BICRAL: variants seen among roughly 807,000 people sequenced by gnomAD.
BICRAL encodes the protein BRD4-interacting chromatin-remodeling complex-associated protein-like.
A neutral mutation model predicts 91.8 loss-of-function variants in BICRAL; 8 were observed. The ratio of observed to expected loss-of-function variants is 0.09; its 90% confidence interval spans 0.05 to 0.16. The LOEUF is 0.16. Ranked by LOEUF, BICRAL falls within the 10% of genes least tolerant of loss-of-function variation. The probability of loss-of-function intolerance (pLI) is 1.00; values close to 1 mark genes in which losing one functional copy is unlikely to be tolerated. For missense variants in BICRAL, 1,038 were observed against 1,310.9 expected (o/e 0.79, Z 3.21); for synonymous variants, 445 against 491.1 (o/e 0.91, Z 1.24).
At chr6:42,812,757 C>T (rs1197193416) in intron 2 of BICRAL, among the ~76,000 whole-genome samples, 1 of 152,118 alleles carries the variant, frequency 6.6e-6, no homozygotes, top group Non-Finnish European at 1.5e-5. Context: ...AAAGGCCAGG[C>T]ATGGTGGCTC....
chr6:42,769,192 G>A (rs1762683646), intron 1 of BICRAL, among the ~76,000 whole-genome samples: 1 of 152,222 alleles, frequency 6.6e-6, no homozygotes, highest in South Asian at 2.1e-4. Flanking sequence ...CTGCAGTACT[G>A]TGAAGGGTAG....
Position 42,823,927 on chromosome 6 carries a change from C to CAATA in BICRAL, c.159+943_159+946dup, listed in dbSNP as rs917558713. Among the ~76,000 whole-genome samples the CAATA allele has an allele frequency of 1.7e-4, 26 of 150,960 alleles. No individual in the cohort carries two copies. In the South Asian group the frequency reaches 2.3e-3, roughly 13 times the overall value. Reference sequence around the variant, plus strand: ...CGACAGAGCGAAACTCCATCTCAAACAATAAATAAATAAATAAATAAAATA... The same window carrying CAATA: ...CGACAGAGCGAAACTCCATCTCAAACAATAAATAAATAAATAAATAAATAAAATA... On this transcript the variant is annotated intron_variant, in intron 5 of 12. Coordinates refer to ENST00000314073, the MANE Select transcript of BICRAL (RefSeq NM_001393499.1).
intron 1 of BICRAL, among the ~76,000 whole-genome samples, chr6:42,764,106 G>C (rs1006562907): frequency 6.6e-6 from 1 of 151,640 alleles, no homozygotes; most frequent in African/African-American, 2.4e-5. Context: ...GCCGGGTGTG[G>C]TGGCACGCGC....
Position 42,830,073 on chromosome 6 carries a change from A to C in BICRAL, c.1740A>C (p.Pro580=), listed in dbSNP as rs761929434. ...QLTQPNRTPV[P]VSVSHRLPVS... ...CCCAGCCAAACAGGACTCCAGTACCAGTCAGTGTGTCTCATCGTCTTCCAG... is the reference window on the plus strand; with the variant it reads ...CCCAGCCAAACAGGACTCCAGTACCCGTCAGTGTGTCTCATCGTCTTCCAG... The change falls in exon 6 of 13, where the codon CCA becomes CCC. Residue 580 remains proline (P), a synonymous_variant. Coordinates refer to ENST00000314073, the MANE Select transcript of BICRAL (RefSeq NM_001393499.1). 8 of 1,614,188 alleles carry C rather than the reference A, an allele frequency of 5.0e-6. No homozygotes were observed. The highest frequency in any genetic ancestry group is 6.8e-6 in the Non-Finnish European group (8 of 1,180,028).
intron 2 of BICRAL, among the ~76,000 whole-genome samples, chr6:42,820,516 A>G (rs1194756419): frequency 6.6e-6 from 1 of 152,186 alleles, no homozygotes; most frequent in Non-Finnish European, 1.5e-5. Context: ...AGACCTTCAC[A>G]CAGATTTTTC....
chr6:42,782,151 A>AG (rs1762929556), intron 1 of BICRAL, 50 bp downstream of exon 1: 1 of 149,842 alleles, frequency 6.7e-6, no homozygotes, highest in Non-Finnish European at 1.5e-5. Context: ...AATTTCAAGG[A>AG]GAAAAAAAAA....
chr6:42,828,930 G>A lies in BICRAL; in HGVS notation c.597G>A (p.Gln199=). The change falls in exon 6 of 13, where the codon CAG becomes CAA. Residue 199 remains glutamine (Q), a synonymous_variant. Transcript: ENST00000314073. The stretch of plus-strand genomic sequence containing the variant: ...ATGTGGGGATCAGTGTTCCCAGCCA[G>A]CATTTGTCTAATAGCAGTCAGATTA... ...MQHVGISVPS[Q]HLSNSSQISG... is the part of the protein sequence containing the mutation. 1 of 1,614,136 alleles carries A rather than the reference G, an allele frequency of 6.2e-7. No individual in the cohort carries two copies.
intron 5 of BICRAL, among the ~76,000 whole-genome samples, chr6:42,823,947 A>T (rs1419616254): frequency 6.6e-6 from 1 of 151,612 alleles, no homozygotes; most frequent in Non-Finnish European, 1.5e-5. Context: ...ATAAATAAAT[A>T]AAATAATACA....
chr6:42,763,345 C>T (rs1030549605), intron 1 of BICRAL, among the ~76,000 whole-genome samples: 2 of 152,116 alleles, frequency 1.3e-5, no homozygotes, highest in Non-Finnish European at 2.9e-5. Flanking sequence ...ATTTGGAGAT[C>T]GTTTAAAAGC....
Position 42,857,194 on chromosome 6 carries a change from G to A in BICRAL, c.2212G>A (p.Val738Met), listed in dbSNP as rs202055883. 53 of 1,613,484 alleles carry A rather than the reference G, an allele frequency of 3.3e-5. No homozygotes were observed. In the South Asian group the frequency reaches 3.7e-4, roughly 11 times the overall value. The change falls in exon 10 of 13, where the codon GTG (valine) becomes ATG (methionine). Residue 738 changes from valine to methionine, a missense_variant. This residue lies in a region of BICRAL where 294 missense variants were observed against 292.6 expected (regional missense o/e 1.00). Transcript: ENST00000314073. Reference sequence around the variant, plus strand: ...GGTACAGAGACTGCTCTCCTACCACGTGTGCCAGGGCTCCATGCCCACTGA... The same window carrying A: ...GGTACAGAGACTGCTCTCCTACCACATGTGCCAGGGCTCCATGCCCACTGA... ...DAVQRLLSYH[V>M]CQGSMPTEED...
At chr6:42,795,631 A>C (rs984786468) in intron 1 of BICRAL, among the ~76,000 whole-genome samples, 2 of 152,226 alleles carry the variant, frequency 1.3e-5, no homozygotes, top group Non-Finnish European at 2.9e-5. Context: ...AGGCTGTGAA[A>C]GTCACAGAAT....
chr6:42,845,195 G>GGTTTTTTTTTTTTT lies in BICRAL; in HGVS notation c.1840-6897_1840-6896insGTTTTTTTTTTTTT, dbSNP rs1562490931. The stretch of plus-strand genomic sequence containing the variant: ...CTTCTCTGTTTTTTGTTTTTTGGGT[G>GGTTTTTTTTTTTTT]TTTTTTTTTTTTTTTTTTTTTTTTT... On this transcript the variant is annotated intron_variant, in intron 6 of 12. Transcript: ENST00000314073. 1.2e-3 allele frequency among the ~76,000 whole-genome samples: 31 copies of GGTTTTTTTTTTTTT among 25,612 alleles called. 10 individuals carry two copies. The highest frequency in any genetic ancestry group is 0.011 in the South Asian group (6 of 556). 16.8% of individuals were successfully genotyped at this position (25,612 alleles called of 152,430 possible).
intron 1 of BICRAL, among the ~76,000 whole-genome samples, chr6:42,753,633 A>G (rs1212571932): frequency 1.3e-5 from 2 of 152,146 alleles, no homozygotes; most frequent in Non-Finnish European, 2.9e-5. Flanking sequence ...TTTTTTTCAG[A>G]CAGGGTCTCA....
intron 6 of BICRAL, among the ~76,000 whole-genome samples, chr6:42,847,389 G>C (rs1477542607): frequency 1.3e-5 from 2 of 152,090 alleles, no homozygotes; most frequent in Admixed American, 1.3e-4. Flanking sequence ...TCATGAATGG[G>C]TGTTGCTTTT....
chr6:42,786,173 CTT>C (rs1303281552), intron 1 of BICRAL, among the ~76,000 whole-genome samples: 1 of 152,188 alleles, frequency 6.6e-6, no homozygotes, highest in African/African-American at 2.4e-5. Context: ...TGTGCTTTCT[CTT>C]GTTGATTCTT....
intron 5 of BICRAL, among the ~76,000 whole-genome samples, chr6:42,824,245 A>C: frequency 7.7e-6 from 1 of 130,552 alleles, no homozygotes; most frequent in African/African-American, 2.9e-5. Context: ...AATAAAAAAA[A>C]TAAAAATAAA....
At position 42,822,944 on chromosome 6, in the gene BICRAL, G is replaced by C. The variant is rs1764184450; in HGVS notation, c.100G>C (p.Asp34His). The C allele has an allele frequency of 6.2e-7, 1 of 1,609,440 alleles. No individual in the cohort carries two copies. Residue 34 changes from aspartate (D) to histidine (H), a missense_variant, in exon 5 of 13, where the codon GAC (aspartate) becomes CAC (histidine). Asp to His is a moderately conservative substitution (Grantham distance 81). Around this residue, in one of 5 missense-constraint regions of BICRAL, gnomAD observed 115 missense variants for 121.5 expected, o/e 0.95. Transcript: ENST00000314073. ...HGPSNKSSND[D>H]LTNAGYSAAN... ...ATTTGTATCTTTGCAGAGCAATGAT[G>C]ACTTGACTAATGCAGGATATTCTGC...
At chr6:42,823,798 G>A (rs777625732) in intron 5 of BICRAL, among the ~76,000 whole-genome samples, 24 of 151,850 alleles carry the variant, frequency 1.6e-4, no homozygotes, top group Non-Finnish European at 3.4e-4. Flanking sequence ...GGTGGTAGGC[G>A]CCTGTAATCC....
chr6:42,788,823 T>C (rs1255601440), intron 1 of BICRAL, among the ~76,000 whole-genome samples: 1 of 152,066 alleles, frequency 6.6e-6, no homozygotes, highest in Non-Finnish European at 1.5e-5. Flanking sequence ...CTGGGCATTG[T>C]TGAATCCCTT....
Sources: allele counts gnomAD v4.1 joint callset (sites outside exome capture counted in the v4.1 genomes callset), GRCh38; gene constraint gnomAD v4.1.1; regional missense constraint gnomAD v4.1.1; transcripts MANE v1.5; gene names NCBI Gene and HGNC (gene_info 2026-07-23, HGNC 2026-07-21).